The following DOP1A variants were observed in gnomAD, a reference collection of about 807,000 sequenced individuals.
DOP1A encodes protein DOP1A.
A neutral mutation model predicts 267.6 loss-of-function variants in DOP1A; 90 were observed. That is an observed-to-expected ratio of 0.34 (90% CI 0.28 to 0.40). The LOEUF (loss-of-function observed/expected upper bound fraction) is 0.40. DOP1A is among the 10% of genes least tolerant of loss of function. The pLI is 1.00. For missense variants in DOP1A, 2,437 were observed against 2,900.4 expected (o/e 0.84, Z 3.67); for synonymous variants, 932 against 999.1 (o/e 0.93, Z 1.27).
At chr6:83,071,906 G>C (rs757337465) in intron 1 of DOP1A, among the ~76,000 whole-genome samples, 2 of 152,192 alleles carry the variant, frequency 1.3e-5, no homozygotes, top group Admixed American at 1.3e-4. Flanking sequence ...AGTGATGACT[G>C]TTGATTCAGG....
At chr6:83,145,410 T>A in intron 24 of DOP1A, 114 bp from the exon 25 acceptor site, 3 of 956,402 alleles carry the variant, frequency 3.1e-6, no homozygotes, top group Non-Finnish European at 4.4e-6. Flanking sequence ...TAGCAAGACC[T>A]CATCTCCATT....
intron 10 of DOP1A, among the ~76,000 whole-genome samples, chr6:83,121,350 A>G (rs994097803): frequency 6.6e-6 from 1 of 151,754 alleles, no homozygotes; most frequent in African/African-American, 2.4e-5. Context: ...AACATGAAAA[A>G]TTTAAAATAT....
chr6:83,170,611 G>T, downstream of DOP1A: 11 of 709,870 alleles, frequency 1.5e-5, no homozygotes, highest in Admixed American at 2.7e-5. Context: ...CCAAGGTCAG[G>T]GTAATTAATT....
chr6:83,132,545 TAAAAC>T (rs566053809), intron 18 of DOP1A, among the ~76,000 whole-genome samples: 212 of 152,232 alleles, frequency 1.4e-3, no homozygotes, highest in African/African-American at 4.7e-3. Context: ...TATGAAAAAT[TAAAAC>T]AAAAATAAAA....
At chr6:83,078,754 A>G (rs2128010021) in intron 1 of DOP1A, among the ~76,000 whole-genome samples, 1 of 152,166 alleles carries the variant, frequency 6.6e-6, no homozygotes. Context: ...GAGGGTGCCT[A>G]TGTTTTGTAG....
Position 83,125,593 on chromosome 6 carries a change from T to C in DOP1A, c.1579T>C (p.Ser527Pro), listed in dbSNP as rs144970641. Residue 527 changes from serine to proline, a missense_variant, in exon 15 of 39, where the codon TCT becomes CCT. Physicochemically the swap from Ser to Pro is moderately conservative, Grantham distance 74 (BLOSUM62 -1). Transcript: ENST00000349129. ...AAGCCATCTCCAGACATTGCACTTA[T>C]CTGAACTCACAGATTCTCTCAGACT... ...LTSHLQTLHL[S>P]ELTDSLRLCS... The C allele has an allele frequency of 3.7e-5, 60 of 1,613,904 alleles. No homozygotes were observed. The Admixed American group carries it at 3.8e-4, about 10-fold the overall frequency.
chr6:83,165,750 A>C (rs1477309451), intron 38 of DOP1A: 4 of 239,686 alleles, frequency 1.7e-5, no homozygotes, highest in Admixed American at 1.6e-4. Context: ...CAATTAGTTC[A>C]ATTTTCGAAG....
intron 30 of DOP1A, among the ~76,000 whole-genome samples, chr6:83,152,968 A>G (rs1782019872): frequency 1.3e-5 from 2 of 152,086 alleles, no homozygotes; most frequent in African/African-American, 2.4e-5. Flanking sequence ...GTATTTTACA[A>G]TTTACCAAAC....
rs561408306 is a variant in DOP1A at position 83,096,913 on chromosome 6, A to C, written c.-53-12A>C. 20 of 1,567,080 alleles carry C rather than the reference A, an allele frequency of 1.3e-5. No individual in the cohort carries two copies. The East Asian group carries it at 4.3e-4, about 33-fold the overall frequency. The stretch of plus-strand genomic sequence containing the variant: ...TTTGTAACCTTGGTTCCTCCTGCAA[A>C]CTCTTTTGTAGGTAATGACTTTACA... On this transcript the variant is annotated splice_polypyrimidine_tract_variant and intron_variant, in intron 2 of 38. Coordinates refer to ENST00000349129, the MANE Select transcript of DOP1A (RefSeq NM_015018.4).
Position 83,118,876 on chromosome 6 carries a change from T to A in DOP1A, c.781-12T>A. 6.2e-7 allele frequency: 1 copy of A among 1,612,754 alleles called. No homozygotes were observed. The highest frequency in any genetic ancestry group is 1.1e-5 in the South Asian group (1 of 91,036). On this transcript the variant is annotated splice_polypyrimidine_tract_variant and intron_variant, in intron 7 of 38. Coordinates refer to ENST00000349129, the MANE Select transcript of DOP1A (RefSeq NM_015018.4). ...ATATTGCTAAGTACAACCATATTCC[T>A]AACTCTTTCAGGCCACTCGACCGGA...
At chr6:83,164,930 AAG>A (rs905999571) in intron 38 of DOP1A, 18 of 470,928 alleles carry the variant, frequency 3.8e-5, no homozygotes, top group African/African-American at 3.5e-4. Flanking sequence ...AGTTCTGATT[AAG>A]AGCATCAGAA....
intron 3 of DOP1A, among the ~76,000 whole-genome samples, chr6:83,098,465 T>C (rs1473804526): frequency 6.6e-6 from 1 of 152,188 alleles, no homozygotes; most frequent in African/African-American, 2.4e-5. Flanking sequence ...CTCATAAGAC[T>C]GTCCTCCTGT....
chr6:83,141,530 G>C (rs1779653273), intron 23 of DOP1A, among the ~76,000 whole-genome samples: 1 of 152,154 alleles, frequency 6.6e-6, no homozygotes, highest in South Asian at 2.1e-4. Context: ...AAGTTTTGAT[G>C]CTTGGATTAA....
chr6:83,137,578 C>T lies in DOP1A; in HGVS notation c.3536C>T (p.Ala1179Val), dbSNP rs1384624037. ...GTTACATCTCAATTAGAAATTGAAG[C>T]TATGCCCCCAAAGTGCAGTGATATA... Reference protein sequence around the residue: ...ASVTSQLEIEAMPPKCSDIDP... With the variant: ...ASVTSQLEIEVMPPKCSDIDP... The change falls in exon 21 of 39, where the codon GCT becomes GTT. Residue 1179 changes from alanine (A) to valine (V), a missense_variant. By Grantham distance (64) the Ala-to-Val change is moderately conservative. Around this residue, in one of 9 missense-constraint regions of DOP1A, gnomAD observed 878 missense variants for 992.9 expected, o/e 0.88. Transcript: ENST00000349129. 6.2e-7 allele frequency: 1 copy of T among 1,613,758 alleles called. No individual in the cohort carries two copies. Among genetic ancestry groups the T allele is most frequent in the Admixed American group, 1.7e-5 (1 of 59,980 alleles).
At chr6:83,169,093 T>C, downstream of DOP1A, 1 of 1,448,638 alleles carries the variant, frequency 6.9e-7, no homozygotes, top group Non-Finnish European at 9.0e-7. Context: ...TGTTAGTGTT[T>C]AAGAAAAACA....
chr6:83,126,125 A>G (rs1342541126), intron 15 of DOP1A, among the ~76,000 whole-genome samples: 1 of 150,802 alleles, frequency 6.6e-6, no homozygotes, highest in Non-Finnish European at 1.5e-5. Flanking sequence ...TTCAAGATCT[A>G]GTGTGCATTT....
intron 12 of DOP1A, among the ~76,000 whole-genome samples, chr6:83,124,199 A>C (rs1258430665): frequency 2.0e-5 from 3 of 152,050 alleles, no homozygotes; most frequent in Admixed American, 1.3e-4. Flanking sequence ...TCTATGATTT[A>C]ATGTGAATGT....
rs1562346138 is a variant in DOP1A, at chr6:83,137,582, GC to G, written c.3545del (p.Pro1182GlnfsTer6). On this transcript the variant is annotated frameshift_variant, in exon 21 of 39. Transcript: ENST00000349129. LOFTEE classifies it high-confidence loss of function. ...VTSQLEIEAM[P>X]PKCSDIDPDE... ...CATCTCAATTAGAAATTGAAGCTAT[GC>G]CCCCAAAGTGCAGTGATATAGATCC... 1 of 1,613,812 alleles carries G rather than the reference GC, an allele frequency of 6.2e-7. No homozygotes were observed. Among genetic ancestry groups the G allele is most frequent in the South Asian group, 1.1e-5 (1 of 91,072 alleles).
intron 6 of DOP1A, among the ~76,000 whole-genome samples, chr6:83,110,721 A>C (rs1774402230): frequency 6.6e-6 from 1 of 152,334 alleles, no homozygotes; most frequent in Non-Finnish European, 1.5e-5. Context: ...CTAGGGTGCT[A>C]TACTCTTAAT....
Sources: gnomAD v4.1 joint callset for allele counts (sites outside exome capture counted in the v4.1 genomes callset) on GRCh38, gnomAD v4.1.1 for gene constraint, gnomAD v4.1.1 regional missense constraint, MANE v1.5 for transcripts, NCBI Gene and HGNC (gene_info 2026-07-23, HGNC 2026-07-21) for gene names.